ZNG1A: variants seen among roughly 807,000 people sequenced by gnomAD.
ZNG1A encodes zinc-regulated GTPase metalloprotein activator 1A.
the ZNG1A span, chr9:121,442 C>A: frequency 6.3e-7 from 1 of 1,597,374 alleles, no homozygotes; most frequent in Non-Finnish European, 8.6e-7. Context: ...TTATCCAATC[C>A]TTTTGATAAG....
At chr9:164,868 C>A in the ZNG1A span, among the ~76,000 whole-genome samples, 3 of 152,150 alleles carry the variant, frequency 2.0e-5, no homozygotes, top group South Asian at 6.2e-4. Flanking sequence ...AAGATGTGGT[C>A]CCCCAAGCAT....
At chr9:172,036 A>G in the ZNG1A span, 6 of 1,609,240 alleles carry the variant, frequency 3.7e-6, no homozygotes, top group Non-Finnish European at 5.1e-6. Context: ...TATTTACAAT[A>G]TATCACAGAA....
At chr9:125,134 G>A in the ZNG1A span, among the ~76,000 whole-genome samples, 5 of 152,188 alleles carry the variant, frequency 3.3e-5, no homozygotes, top group African/African-American at 7.2e-5. Flanking sequence ...AATCTCCACA[G>A]TTTTCCATAG....
chr9:146,070 C>G, the ZNG1A span: 10 of 1,465,586 alleles, frequency 6.8e-6, 1 homozygote, highest in Admixed American at 6.2e-5. Flanking sequence ...AGGTACATAA[C>G]AATAAAAGTA....
the ZNG1A span, chr9:177,725 G>C: frequency 3.9e-6 from 6 of 1,522,130 alleles, no homozygotes; most frequent in South Asian, 4.9e-5. Context: ...TGACCTACCA[G>C]TGAGCAATAC....
chr9:177,919 A>G, the ZNG1A span: 1 of 1,501,240 alleles, frequency 6.7e-7, no homozygotes. Context: ...AAAAAACAAA[A>G]GCAGTTATTT....
chr9:148,061 T>A, the ZNG1A span: 3 of 144,190 alleles, frequency 2.1e-5, no homozygotes, highest in South Asian at 2.3e-4. Flanking sequence ...AAGATAAAAA[T>A]AAATAAAAAT....
chr9:175,568 A>T, the ZNG1A span: 3 of 790,420 alleles, frequency 3.8e-6, no homozygotes, highest in East Asian at 8.0e-5. Flanking sequence ...AATTAATCCA[A>T]CTTTTCTAAA....
chr9:144,590 A>C, the ZNG1A span, among the ~76,000 whole-genome samples: 1 of 152,040 alleles, frequency 6.6e-6, no homozygotes, highest in Non-Finnish European at 1.5e-5. Flanking sequence ...AACCATAAAA[A>C]CCCTAGAAGA....
At chr9:129,598 C>G in the ZNG1A span, among the ~76,000 whole-genome samples, 2 of 149,630 alleles carry the variant, frequency 1.3e-5, no homozygotes, top group East Asian at 3.9e-4. Context: ...CCACTAATAT[C>G]AGGTGTCTAA....
At chr9:147,213 G>C in the ZNG1A span, 1 of 138,214 alleles carries the variant, frequency 7.2e-6, no homozygotes, top group Non-Finnish European at 1.5e-5. Context: ...GCAGAGGACA[G>C]TGATTTCTCA....
the ZNG1A span, chr9:171,685 G>T: frequency 4.0e-6 from 1 of 250,632 alleles, no homozygotes; most frequent in Non-Finnish European, 7.7e-6. Context: ...ACCATTTTAT[G>T]TAAGGGACTT....
chr9:124,957 T>A, the ZNG1A span, among the ~76,000 whole-genome samples: 2 of 152,224 alleles, frequency 1.3e-5, no homozygotes, highest in African/African-American at 4.8e-5. Flanking sequence ...CACGCATTGA[T>A]TGATGGGCCT....
At chr9:122,574 T>C in the ZNG1A span, 1 of 1,028,820 alleles carries the variant, frequency 9.7e-7, no homozygotes, top group Non-Finnish European at 1.2e-6. Flanking sequence ...TTTATCTGAA[T>C]ATGAGCTCAT....
chr9:169,727 T>C, the ZNG1A span, among the ~76,000 whole-genome samples: 1 of 150,430 alleles, frequency 6.6e-6, no homozygotes, highest in East Asian at 1.9e-4. Flanking sequence ...GCAAAAAGAC[T>C]ATGACTTGCT....
chr9:171,721 C>G, the ZNG1A span: 1 of 279,474 alleles, frequency 3.6e-6, no homozygotes, highest in Non-Finnish European at 6.8e-6. Flanking sequence ...TTGGTATCCT[C>G]AGAGATTCCG....
chr9:170,459 C>A, the ZNG1A span, among the ~76,000 whole-genome samples: 1 of 150,792 alleles, frequency 6.6e-6, no homozygotes, highest in Non-Finnish European at 1.5e-5. Context: ...GATCTCGGCT[C>A]ACCGCAACCT....
At chr9:162,534 T>G in the ZNG1A span, 9,417 of 1,551,056 alleles carry the variant, frequency 6.1e-3, 602 homozygotes, top group African/African-American at 0.12. Context: ...TGTACAACCA[T>G]ACTTCAAAAT....
the ZNG1A span, among the ~76,000 whole-genome samples, chr9:141,831 A>T: frequency 6.6e-6 from 1 of 152,222 alleles, no homozygotes; most frequent in Non-Finnish European, 1.5e-5. Context: ...GGCTCAAAAT[A>T]AAGGGATGGA....
Sources: gnomAD v4.1 joint callset for allele counts (sites outside exome capture counted in the v4.1 genomes callset) on GRCh38, gnomAD v4.1.1 for gene constraint, MANE v1.5 for transcripts, NCBI Gene and HGNC (gene_info 2026-07-23, HGNC 2026-07-21) for gene names.